The following PCDH15 variants were observed in gnomAD, a reference collection of about 807,000 sequenced individuals.
The protein encoded by PCDH15 is protocadherin related 15.
PCDH15 carries 129 observed loss-of-function variants against 178.5 expected under a neutral mutation model. That is an observed-to-expected ratio of 0.72 (90% CI 0.63 to 0.84). The LOEUF is 0.84. Among genes scored for constraint, PCDH15 ranks in the 40% least tolerant of loss-of-function variants. PCDH15 has a pLI of 0.00. For missense variants in PCDH15, 2,230 were observed against 2,099.9 expected, an observed-to-expected ratio of 1.06 and a Z score of -1.21; for synonymous variants, 800 against 732.0, an observed-to-expected ratio of 1.09 and a Z score of -1.50.
intron 1 of PCDH15, among the ~76,000 whole-genome samples, chr10:54,796,517 A>G (rs1952031521): frequency 6.7e-6 from 1 of 149,708 alleles, no homozygotes; most frequent in Non-Finnish European, 1.5e-5. Context: ...GTCTTTCTTG[A>G]CCCTGTGTTT....
chr10:55,103,967 A>C (rs1259963803), intron 2 of PCDH15, among the ~76,000 whole-genome samples: 2 of 152,142 alleles, frequency 1.3e-5, no homozygotes, highest in Non-Finnish European at 2.9e-5. Flanking sequence ...TTTTACAAGC[A>C]AAAGACTAGC....
intron 23 of PCDH15, among the ~76,000 whole-genome samples, chr10:53,951,789 C>T (rs1299004308): frequency 6.6e-6 from 1 of 152,190 alleles, no homozygotes; most frequent in Non-Finnish European, 1.5e-5. Flanking sequence ...CACTTGGCTT[C>T]TTCTACCGGC....
At chr10:55,455,253 G>A (rs548868903) in intron 2 of PCDH15, among the ~76,000 whole-genome samples, 24 of 152,188 alleles carry the variant, frequency 1.6e-4, no homozygotes, top group South Asian at 4.1e-4. Context: ...ATATAACTGC[G>A]TCTTGTGGAA....
chr10:54,312,651 T>C (rs857370), intron 8 of PCDH15, among the ~76,000 whole-genome samples: 109,312 of 151,914 alleles, frequency 0.72, 40,186 homozygotes, highest in Middle Eastern at 0.82. Context: ...CAGTCTTCAA[T>C]CCTGGATGAG....
Position 54,421,946 on chromosome 10 carries a change from A to T in PCDH15, c.158-43004T>A, listed in dbSNP as rs867688421. Among the ~76,000 whole-genome samples, 516 of 84,334 alleles carry T rather than the reference A, an allele frequency of 6.1e-3. 18 individuals are homozygous for T. Among genetic ancestry groups the T allele is most frequent in the Admixed American group, 0.024 (232 of 9,820 alleles). 55.3% of individuals were successfully genotyped at this position (84,334 alleles called of 152,430 possible). Reference sequence around the variant, plus strand: ...TATATACACTATATATATATATATAAAAATATATATATATATATTTAGGGA... The same window carrying T: ...TATATACACTATATATATATATATATAAATATATATATATATATTTAGGGA... On this transcript the variant is annotated intron_variant, in intron 3 of 37. Coordinates refer to ENST00000644397, the MANE Select transcript of PCDH15 (RefSeq NM_001384140.1).
chr10:54,892,140 A>C (rs1954473804), intron 3 of PCDH15, among the ~76,000 whole-genome samples: 1 of 152,108 alleles, frequency 6.6e-6, no homozygotes, highest in Admixed American at 6.6e-5. Context: ...ACACCAAAAG[A>C]CTGAGCATTT....
chr10:54,552,803 G>A (rs1468223862), intron 2 of PCDH15, among the ~76,000 whole-genome samples: 1 of 152,082 alleles, frequency 6.6e-6, no homozygotes, highest in African/African-American at 2.4e-5. Flanking sequence ...AGAGTTCATG[G>A]CAATGACTTG....
At chr10:55,626,174 T>TA (rs1837524164) in intron 2 of PCDH15, among the ~76,000 whole-genome samples, 1 of 149,536 alleles carries the variant, frequency 6.7e-6, no homozygotes, top group Admixed American at 6.8e-5. Flanking sequence ...AATAAATAAA[T>TA]AAATAAATAA....
chr10:54,176,597 A>G (rs2047465943), intron 13 of PCDH15, among the ~76,000 whole-genome samples: 2 of 152,182 alleles, frequency 1.3e-5, no homozygotes, highest in South Asian at 2.1e-4. Context: ...AATATATTTA[A>G]GAGTATTACA....
chr10:55,609,486 G>A (rs1168377084), intron 2 of PCDH15, among the ~76,000 whole-genome samples: 2 of 151,946 alleles, frequency 1.3e-5, no homozygotes. Context: ...GTACTCTTAG[G>A]TATTATGAAA....
At chr10:55,407,176 T>C (rs2132031263) in intron 2 of PCDH15, among the ~76,000 whole-genome samples, 1 of 152,246 alleles carries the variant, frequency 6.6e-6, no homozygotes. Flanking sequence ...AACAGAGATA[T>C]GTGAAGGCAA....
chr10:54,146,616 CTA>C (rs2043928339), intron 14 of PCDH15, among the ~76,000 whole-genome samples: 2 of 151,716 alleles, frequency 1.3e-5, no homozygotes, highest in South Asian at 4.1e-4. Flanking sequence ...AAACACTAAA[CTA>C]TGTACTATTC....
At chr10:55,135,920 T>C (rs951911822) in intron 2 of PCDH15, among the ~76,000 whole-genome samples, 1 of 152,110 alleles carries the variant, frequency 6.6e-6, no homozygotes, top group Non-Finnish European at 1.5e-5. Context: ...AATTTGTATA[T>C]AGCATCTTGA....
chr10:55,165,528 TTAAAAAGTA>T (rs1337213451), intron 2 of PCDH15, among the ~76,000 whole-genome samples: 29 of 151,958 alleles, frequency 1.9e-4, no homozygotes, highest in Non-Finnish European at 2.9e-5. Context: ...ATTTTATACA[TTAAAAAGTA>T]TAAAATGGTA....
intron 21 of PCDH15, among the ~76,000 whole-genome samples, chr10:53,964,270 C>T (rs1322068959): frequency 6.6e-6 from 1 of 151,788 alleles, no homozygotes; most frequent in African/African-American, 2.4e-5. Context: ...CATAAGAATA[C>T]AAGCTTTATT....
chr10:55,482,654 T>C (rs758635238), intron 2 of PCDH15, among the ~76,000 whole-genome samples: 7 of 151,894 alleles, frequency 4.6e-5, no homozygotes, highest in Non-Finnish European at 8.8e-5. Flanking sequence ...CCCCAATCTC[T>C]TCTAGCTTGT....
At chr10:53,832,850 T>G (rs1211985530) in intron 29 of PCDH15, among the ~76,000 whole-genome samples, 1 of 152,006 alleles carries the variant, frequency 6.6e-6, no homozygotes, top group Non-Finnish European at 1.5e-5. Context: ...AAAATAGAAG[T>G]GCCTGGTATC....
chr10:55,041,512 T>C (rs996580678), intron 2 of PCDH15, among the ~76,000 whole-genome samples: 2 of 152,134 alleles, frequency 1.3e-5, no homozygotes, highest in Non-Finnish European at 2.9e-5. Flanking sequence ...TGATATTTTC[T>C]GAAAGCAATC....
chr10:54,530,593 G>A (rs1405588976), intron 2 of PCDH15, among the ~76,000 whole-genome samples: 1 of 152,090 alleles, frequency 6.6e-6, no homozygotes, highest in Non-Finnish European at 1.5e-5. Flanking sequence ...ACCTCTCCAT[G>A]AGAGCAGCTC....
Sources: allele counts gnomAD v4.1 joint callset (sites outside exome capture counted in the v4.1 genomes callset), GRCh38; gene constraint gnomAD v4.1.1; transcripts MANE v1.5; gene names NCBI Gene and HGNC (gene_info 2026-07-23, HGNC 2026-07-21).